The following NCOA2 variants were observed in gnomAD, a reference collection of about 807,000 sequenced individuals.
NCOA2 encodes nuclear receptor coactivator 2.
In NCOA2, 21 loss-of-function variants were observed where a neutral mutation model predicts 145.1. That is an observed-to-expected ratio of 0.14 (90% CI 0.10 to 0.21). The LOEUF (loss-of-function observed/expected upper bound fraction) is 0.21, where lower values mean the gene tolerates loss of function less well. NCOA2 is among the 10% of genes least tolerant of loss of function. The pLI, the probability that NCOA2 is intolerant of heterozygous loss-of-function variation, is 1.00. For synonymous variants in NCOA2, 619 were observed against 637.5 expected, an observed-to-expected ratio of 0.97 and a Z score of 0.44; for missense variants, 1,472 against 1,837.6, an observed-to-expected ratio of 0.80 and a Z score of 3.64.
intron 19 of NCOA2, among the ~76,000 whole-genome samples, chr8:70,125,427 A>G (rs1327057289): frequency 6.6e-6 from 1 of 151,976 alleles, no homozygotes; most frequent in Non-Finnish European, 1.5e-5. Context: ...ATGCCCAGCT[A>G]ATTTTTTTAA....
chr8:70,155,197 A>AT (rs2132189821), intron 11 of NCOA2, among the ~76,000 whole-genome samples: 1 of 152,298 alleles, frequency 6.6e-6, no homozygotes, highest in African/African-American at 2.4e-5. Flanking sequence ...AGACGTACTA[A>AT]TATCAGTTCA....
At chr8:70,139,755 C>A (rs1041754263) in intron 14 of NCOA2, among the ~76,000 whole-genome samples, 1 of 145,582 alleles carries the variant, frequency 6.9e-6, no homozygotes. Context: ...CGGGTTCAAG[C>A]AATTTCCCTA....
At chr8:70,148,845 T>C (rs1811410232) in intron 11 of NCOA2, among the ~76,000 whole-genome samples, 1 of 152,230 alleles carries the variant, frequency 6.6e-6, no homozygotes, top group African/African-American at 2.4e-5. Context: ...GAATAGACTA[T>C]GACTTTGGTC....
At chr8:70,209,399 T>C (rs1196485224) in intron 4 of NCOA2, among the ~76,000 whole-genome samples, 3 of 152,224 alleles carry the variant, frequency 2.0e-5, no homozygotes, top group Non-Finnish European at 4.4e-5. Flanking sequence ...TAAACTTAGT[T>C]GATAAGGCAG....
intron 1 of NCOA2, among the ~76,000 whole-genome samples, chr8:70,382,194 G>A (rs72663986): frequency 7.2e-5 from 11 of 152,146 alleles, no homozygotes; most frequent in South Asian, 6.2e-4. Flanking sequence ...GCACCAGTTA[G>A]GATCAGGAGA....
At chr8:70,392,636 G>A (rs1813307182) in intron 1 of NCOA2, among the ~76,000 whole-genome samples, 1 of 152,130 alleles carries the variant, frequency 6.6e-6, no homozygotes, top group African/African-American at 2.4e-5. Flanking sequence ...AAATAGTTAA[G>A]TGCCAACCCT....
In NCOA2 at chr8:70,146,611, G is replaced by A. The variant is rs539489444; in HGVS notation, c.2605+1662C>T. Among the ~76,000 whole-genome samples the A allele has an allele frequency of 3.9e-5, 6 of 152,160 alleles. No homozygotes were observed. The East Asian group carries it at 1.2e-3, about 29-fold the overall frequency. ...GCCATCAATAATCTGAATACCACCAGGAGCTACAGAAAGAGGAGAAACCAT... is the reference window on the plus strand; with the variant it reads ...GCCATCAATAATCTGAATACCACCAAGAGCTACAGAAAGAGGAGAAACCAT... On this transcript the variant is annotated intron_variant, in intron 12 of 22. Coordinates refer to ENST00000452400, the MANE Select transcript of NCOA2 (RefSeq NM_006540.4).
intron 16 of NCOA2, 83 bp downstream of exon 16, chr8:70,131,754 C>T (rs1007286949): frequency 4.3e-5 from 59 of 1,380,812 alleles, no homozygotes; most frequent in East Asian, 1.3e-4. Flanking sequence ...AAAAGCAGAC[C>T]GTGGAGTACC....
At chr8:70,412,820 G>A in the NCOA2 span, among the ~76,000 whole-genome samples, 16 of 152,012 alleles carry the variant, frequency 1.1e-4, no homozygotes, top group Admixed American at 5.9e-4. Context: ...ATAGTGGGCC[G>A]GGTACAGTGG....
At chr8:70,152,231 TG>T (rs756804587) in intron 11 of NCOA2, among the ~76,000 whole-genome samples, 1 of 152,222 alleles carries the variant, frequency 6.6e-6, no homozygotes, top group Admixed American at 6.5e-5. Flanking sequence ...AAATCAGACT[TG>T]ATTTCTTTAA....
At chr8:70,207,331 A>G (rs1818545434) in intron 4 of NCOA2, among the ~76,000 whole-genome samples, 1 of 152,170 alleles carries the variant, frequency 6.6e-6, no homozygotes. Context: ...CATAAATCCT[A>G]AAGCATTATA....
At chr8:70,396,547 A>G (rs893170324) in intron 1 of NCOA2, among the ~76,000 whole-genome samples, 1 of 152,254 alleles carries the variant, frequency 6.6e-6, no homozygotes, top group Non-Finnish European at 1.5e-5. Context: ...GGTTTTCAGT[A>G]AGCACTCAAT....
chr8:70,390,457 C>G (rs6472523), intron 1 of NCOA2, among the ~76,000 whole-genome samples: 57,795 of 152,012 alleles, frequency 0.38, 13,577 homozygotes, highest in East Asian at 0.7. Context: ...CAAGGTTTTT[C>G]TATCTACAAT....
chr8:70,442,371 T>C, the NCOA2 span, among the ~76,000 whole-genome samples: 1 of 152,192 alleles, frequency 6.6e-6, no homozygotes, highest in Non-Finnish European at 1.5e-5. Flanking sequence ...TACTTGGATG[T>C]ATTTACACAT....
rs1826337857 is a variant in NCOA2 at position 70,287,688 on chromosome 8, C to A, written c.-20+9056G>T. Reference sequence around the variant, plus strand: ...AAACAGCATAATATCATTTCTGTAACCTGCATTTCCTTTGTTAATTAATGG... The same window carrying A: ...AAACAGCATAATATCATTTCTGTAAACTGCATTTCCTTTGTTAATTAATGG... On this transcript the variant is annotated intron_variant, in intron 2 of 22. Coordinates refer to ENST00000452400, the MANE Select transcript of NCOA2 (RefSeq NM_006540.4). Among the ~76,000 whole-genome samples the A allele has an allele frequency of 3.3e-5, 5 of 152,300 alleles. No individual in the cohort carries two copies. In the South Asian group the frequency reaches 1.0e-3, roughly 32 times the overall value.
intron 4 of NCOA2, among the ~76,000 whole-genome samples, chr8:70,180,395 T>G (rs563381903): frequency 6.6e-6 from 1 of 152,214 alleles, no homozygotes; most frequent in South Asian, 2.1e-4. Context: ...GCTCCAGAAA[T>G]CCAACACCAA....
rs560017069 is a variant in NCOA2, at chr8:70,297,857, G to A, written c.-76-1057C>T. On this transcript the variant is annotated intron_variant, in intron 1 of 22. Transcript: ENST00000452400. ...CTGCACCAATTAAGTTTGTTCCCAAGAAACACAATGAGGAATATGAAAACA... is the reference window on the plus strand; with the variant it reads ...CTGCACCAATTAAGTTTGTTCCCAAAAAACACAATGAGGAATATGAAAACA... Among the ~76,000 whole-genome samples the A allele has an allele frequency of 8.1e-4, 124 of 152,282 alleles. 1 individual carries two copies. The highest frequency in any genetic ancestry group is 2.9e-3 in the African/African-American group (120 of 41,552).
intron 2 of NCOA2, among the ~76,000 whole-genome samples, chr8:70,235,759 T>C (rs1320200014): frequency 6.6e-6 from 1 of 152,098 alleles, no homozygotes; most frequent in African/African-American, 2.4e-5. Flanking sequence ...CAGGAGGATT[T>C]CTTGAGCCCA....
At chr8:70,173,011 C>T (rs1385328012) in intron 5 of NCOA2, among the ~76,000 whole-genome samples, 33 of 152,164 alleles carry the variant, frequency 2.2e-4, no homozygotes, top group Admixed American at 2.2e-3. Flanking sequence ...TAAGTGATTA[C>T]ACGTAAACAG....
Sources: allele counts gnomAD v4.1 joint callset (sites outside exome capture counted in the v4.1 genomes callset), GRCh38; gene constraint gnomAD v4.1.1; transcripts MANE v1.5; gene names NCBI Gene and HGNC (gene_info 2026-07-23, HGNC 2026-07-21).